Variants in MFAP2 observed in about 807,000 individuals in gnomAD.
MFAP2 encodes the protein microfibril associated protein 2, also known as microfibrillar-associated protein 2.
A neutral mutation model predicts 30.6 loss-of-function variants in MFAP2; 23 were observed. That is an observed-to-expected ratio of 0.75 (90% CI 0.54 to 1.07). The LOEUF (loss-of-function observed/expected upper bound fraction) is 1.07. MFAP2 is among the 50% of genes least tolerant of loss of function. MFAP2 has a pLI of 0.00. For synonymous variants in MFAP2, 73 were observed against 85.7 expected (o/e 0.85, Z 0.82); for missense variants, 198 against 223.8 (o/e 0.88, Z 0.74).
chr1:16,979,310 G>A (rs1179015483), intron 1 of MFAP2, among the ~76,000 whole-genome samples: 5 of 152,202 alleles, frequency 3.3e-5, no homozygotes, highest in African/African-American at 1.2e-4. Context: ...CTGCGAGGGC[G>A]GGGTCCATCC....
Position 16,975,746 on chromosome 1 carries a change from GT to G in MFAP2, c.287-17del, listed in dbSNP as rs773929595. ...TCACGGCAGTCTGGTGACAGGTGGGGTCAGACTAGGAGCCCAGAGTGGGGGG... is the reference window on the plus strand; with the variant it reads ...TCACGGCAGTCTGGTGACAGGTGGGGCAGACTAGGAGCCCAGAGTGGGGGG... On this transcript the variant is annotated splice_polypyrimidine_tract_variant and intron_variant, in intron 6 of 8. Transcript: ENST00000375535. This position sits in a 1 kb window ranked among gnomAD's most constrained non-coding sequence, Gnocchi z 5.0. The G allele has an allele frequency of 1.2e-6, 2 of 1,610,320 alleles. No homozygotes were observed. Among genetic ancestry groups the G allele is most frequent in the East Asian group, 4.5e-5 (2 of 44,730 alleles).
intron 1 of MFAP2, among the ~76,000 whole-genome samples, chr1:16,980,036 G>A (rs2076624254): frequency 6.6e-6 from 1 of 151,830 alleles, no homozygotes; most frequent in Admixed American, 6.6e-5. Context: ...TGCGTCCTGG[G>A]AGGTGGGGGA....
rs563419813 is a variant in MFAP2, at chr1:16,977,045, C to A, written c.127+64G>T. On this transcript the variant is annotated intron_variant, in intron 3 of 8. Coordinates refer to ENST00000375535, the MANE Select transcript of MFAP2 (RefSeq NM_002403.4). ...AGAGTTCCCATCAGCGTGTCCAGTG[C>A]GGTCCCTGGCTGAGCCAGGCACATC... is the stretch of plus-strand genomic sequence containing the variant. 1,104 of 1,610,762 alleles carry A rather than the reference C, an allele frequency of 6.9e-4. 11 individuals carry two copies. The South Asian group carries it at 7.8e-3, about 11-fold the overall frequency.
Position 16,976,958 on chromosome 1 carries a change from T to A in MFAP2, c.128-35A>T, listed in dbSNP as rs756594338. ...AAGATGAAAGTGGAATTGGTGGGAG[T>A]AAGGCTAATCCCCCAGCCCCTGGGG... On this transcript the variant is annotated intron_variant, in intron 3 of 8. Coordinates refer to ENST00000375535, the MANE Select transcript of MFAP2 (RefSeq NM_002403.4). This position sits in a 1 kb window ranked among gnomAD's most constrained non-coding sequence, Gnocchi z 5.5. The A allele has an allele frequency of 3.7e-6, 6 of 1,613,508 alleles. No individual in the cohort carries two copies. The highest frequency in any genetic ancestry group is 5.1e-6 in the Non-Finnish European group (6 of 1,179,890).
chr1:16,977,574 C>G, intron 2 of MFAP2: 1 of 226,096 alleles, frequency 4.4e-6, no homozygotes. Context: ...TCCAGCCCAC[C>G]AGCCCTCCTG....
Position 16,975,417 on chromosome 1 carries a change from G to A in MFAP2, c.375-75C>T. On this transcript the variant is annotated intron_variant, in intron 7 of 8. Transcript: ENST00000375535. The surrounding 1 kb of genome is among the most constrained non-coding windows in gnomAD (Gnocchi z 5.0). ...ACTGGGATAGCCCAGACAGAACCTG[G>A]CACGGGAGCCCGGACAGAACCTGGC... 1 of 981,478 alleles carries A rather than the reference G, an allele frequency of 1.0e-6. No individual in the cohort carries two copies. The highest frequency in any genetic ancestry group is 1.3e-6 in the Non-Finnish European group (1 of 771,076). The allele number at this position is 981,478 out of a possible 1,614,324, so 60.8% of individuals were successfully genotyped here.
Position 16,975,104 on chromosome 1 carries a change from GGA to G in MFAP2, c.449-83_449-82del. On this transcript the variant is annotated intron_variant, in intron 8 of 8. Transcript: ENST00000375535. This position sits in a 1 kb window ranked among gnomAD's most constrained non-coding sequence, Gnocchi z 5.0. ...TGCCCCTCCCCCAACTCTGGTGATG[GGA>G]GTGTTTTGAGGATGAAAAGTAGCAA... 1 of 1,377,488 alleles carries G rather than the reference GGA, an allele frequency of 7.3e-7. No homozygotes were observed. The highest frequency in any genetic ancestry group is 1.0e-6 in the Non-Finnish European group (1 of 987,518). The allele number at this position is 1,377,488 out of a possible 1,614,324, so 85.3% of individuals were successfully genotyped here. A position where few individuals can be genotyped will look rare whatever the true frequency, so the allele number is the denominator to read the frequency against.
Position 16,976,912 on chromosome 1 carries a change from A to C in MFAP2, c.139T>G (p.Tyr47Asp). ...AGCCCGTTACCTTGATAATCATAGT[A>C]GTCTGGGTTGTCTGCAAACAAAGAT... is the stretch of plus-strand genomic sequence containing the variant. ...HYSDQIDNPD[Y>D]YDYQEVTPRP... The change falls in exon 4 of 9, where the codon TAC becomes GAC. Residue 47 changes from tyrosine (Y) to aspartate (D), a missense_variant. Coordinates refer to ENST00000375535, the MANE Select transcript of MFAP2 (RefSeq NM_002403.4). This position sits in a 1 kb window ranked among gnomAD's most constrained non-coding sequence, Gnocchi z 5.5. 6.2e-7 allele frequency: 1 copy of C among 1,614,052 alleles called. No homozygotes were observed. The highest frequency in any genetic ancestry group is 2.2e-5 in the East Asian group (1 of 44,870).
chr1:16,979,806 C>T (rs1454435450), intron 1 of MFAP2, among the ~76,000 whole-genome samples: 1 of 152,202 alleles, frequency 6.6e-6, no homozygotes, highest in East Asian at 1.9e-4. Context: ...CCCCCGAACC[C>T]AGGCTTATTG....
intron 2 of MFAP2, 98 bp from the exon 3 acceptor site, chr1:16,977,296 C>T (rs1407528223): frequency 1.1e-5 from 13 of 1,175,824 alleles, no homozygotes; most frequent in African/African-American, 3.1e-5. Flanking sequence ...AAGGTCAGGC[C>T]CATAAGAGCC....
rs766378770 is a variant in MFAP2 at position 16,975,058 on chromosome 1, G to C, written c.449-35C>G. On this transcript the variant is annotated intron_variant, in intron 8 of 8. Transcript: ENST00000375535. This position sits in a 1 kb window ranked among gnomAD's most constrained non-coding sequence, Gnocchi z 5.0. The stretch of plus-strand genomic sequence containing the variant: ...GCAGGAAGGAGGCAGGGTCAGGGTG[G>C]AGCTGGGTGATGGGAACCGCTGCCC... 1 of 1,011,374 alleles carries C rather than the reference G, an allele frequency of 9.9e-7. No individual in the cohort carries two copies. Among genetic ancestry groups the C allele is most frequent in the Non-Finnish European group, 1.5e-6 (1 of 657,378 alleles). The allele number at this position is 1,011,374 out of a possible 1,614,324, so 62.7% of individuals were successfully genotyped here.
chr1:16,980,141 C>T (rs2100590057), intron 1 of MFAP2, among the ~76,000 whole-genome samples: 1 of 152,198 alleles, frequency 6.6e-6, no homozygotes, highest in South Asian at 2.1e-4. Flanking sequence ...GCGGGAGAAA[C>T]CCAGATGTTG....
In MFAP2 at chr1:16,975,728, A is replaced by G. The variant is rs2076585240; in HGVS notation, c.289T>C (p.Cys97Arg). ...LEPTEPGPLD[C>R]REEQYPCTRL... ...GTGCACGGGTACTGTTCCTCACGGC[A>G]GTCTGGTGACAGGTGGGGTCAGACT... Residue 97 changes from cysteine (C) to arginine (R), a missense_variant and splice_region_variant, in exon 7 of 9, where the codon TGC (cysteine) becomes CGC (arginine). By Grantham distance (180) the Cys-to-Arg change is radical. Transcript: ENST00000375535. The surrounding 1 kb of genome is among the most constrained non-coding windows in gnomAD (Gnocchi z 5.0). 1 of 1,613,114 alleles carries G rather than the reference A, an allele frequency of 6.2e-7. No individual in the cohort carries two copies. Among genetic ancestry groups the G allele is most frequent in the Non-Finnish European group, 8.5e-7 (1 of 1,179,592 alleles).
In MFAP2 at chr1:16,975,859, C is replaced by G; in HGVS notation, c.287-129G>C. The G allele has an allele frequency of 1.5e-6, 1 of 683,202 alleles. No homozygotes were observed. Among genetic ancestry groups the G allele is most frequent in the Non-Finnish European group, 2.5e-6 (1 of 393,154 alleles). 42.3% of individuals were successfully genotyped at this position (683,202 alleles called of 1,614,324 possible). The stretch of plus-strand genomic sequence containing the variant: ...GGCCCCGTGCAGACACCCATACCTA[C>G]ACATGCCCACATAGACCCACGCAGC... On this transcript the variant is annotated intron_variant, in intron 6 of 8. Transcript: ENST00000375535. This position sits in a 1 kb window ranked among gnomAD's most constrained non-coding sequence, Gnocchi z 5.0.
chr1:16,977,041 A>C, intron 3 of MFAP2, 68 bp downstream of exon 3: 1 of 1,612,226 alleles, frequency 6.2e-7, no homozygotes, highest in Non-Finnish European at 8.5e-7. Context: ...CAGCGTGTCC[A>C]GTGCGGTCCC....
chr1:16,979,939 C>T (rs918815321), intron 1 of MFAP2, among the ~76,000 whole-genome samples: 1 of 152,156 alleles, frequency 6.6e-6, no homozygotes, highest in African/African-American at 2.4e-5. Context: ...TTGGGGCGTG[C>T]GGGAGGCCAG....
In MFAP2 at chr1:16,975,414, C is replaced by T; in HGVS notation, c.375-72G>A. 2.9e-6 allele frequency: 3 copies of T among 1,023,172 alleles called. No homozygotes were observed. Among genetic ancestry groups the T allele is most frequent in the Non-Finnish European group, 3.7e-6 (3 of 806,088 alleles). 63.4% of individuals were successfully genotyped at this position (1,023,172 alleles called of 1,614,324 possible). A position where few individuals can be genotyped will look rare whatever the true frequency, so the allele number is the denominator to read the frequency against. ...CCCACTGGGATAGCCCAGACAGAAC[C>T]TGGCACGGGAGCCCGGACAGAACCT... On this transcript the variant is annotated intron_variant, in intron 7 of 8. Transcript: ENST00000375535. This position sits in a 1 kb window ranked among gnomAD's most constrained non-coding sequence, Gnocchi z 5.0.
chr1:16,979,679 G>A (rs2076621375), intron 1 of MFAP2, among the ~76,000 whole-genome samples: 1 of 152,240 alleles, frequency 6.6e-6, no homozygotes, highest in South Asian at 2.1e-4. Context: ...CCATCCGTCA[G>A]GTCGGTCGGA....
At chr1:16,978,127 C>T (rs773945413) in intron 2 of MFAP2, 110 bp downstream of exon 2, 5 of 1,247,142 alleles carry the variant, frequency 4.0e-6, no homozygotes, top group Non-Finnish European at 5.6e-6. Flanking sequence ...AGCTGGGGAG[C>T]TGAGTTCTGG....
Sources: gnomAD v4.1 joint callset for allele counts (sites outside exome capture counted in the v4.1 genomes callset) on GRCh38, gnomAD v4.1.1 for gene constraint, Gnocchi (gnomAD v3.1) non-coding constraint, MANE v1.5 for transcripts, NCBI Gene and HGNC (gene_info 2026-07-23, HGNC 2026-07-21) for gene names.